The following SGCZ variants were observed in gnomAD, a reference collection of about 807,000 sequenced individuals.
SGCZ encodes sarcoglycan zeta, also known as zeta-sarcoglycan.
Under a neutral mutation model 41.3 loss-of-function variants are expected in SGCZ, and 40 were observed. The observed-to-expected ratio is 0.97, with a 90% CI of 0.75 to 1.26. The LOEUF is 1.26. Ranked by LOEUF, SGCZ falls within the 50% of genes most tolerant of loss-of-function variation. The pLI is 0.00. For missense variants in SGCZ, 552 were observed against 369.8 expected, an observed-to-expected ratio of 1.49 and a Z score of -4.04; for synonymous variants, 206 against 137.5, an observed-to-expected ratio of 1.50 and a Z score of -3.49.
At chr8:15,049,536 A>G (rs546190285) in intron 1 of SGCZ, among the ~76,000 whole-genome samples, 4 of 152,284 alleles carry the variant, frequency 2.6e-5, no homozygotes, top group Admixed American at 2.0e-4. Flanking sequence ...TGACTCTCCA[A>G]TATTGAATGA....
intron 5 of SGCZ, among the ~76,000 whole-genome samples, chr8:14,138,949 C>T (rs1348174430): frequency 6.6e-6 from 1 of 152,170 alleles, no homozygotes; most frequent in Non-Finnish European, 1.5e-5. Context: ...AAGTATAGCA[C>T]TCCTCAGCAA....
At chr8:14,957,498 A>G (rs1337010480) in intron 1 of SGCZ, among the ~76,000 whole-genome samples, 1 of 152,026 alleles carries the variant, frequency 6.6e-6, no homozygotes, top group Non-Finnish European at 1.5e-5. Flanking sequence ...TGCATATTTT[A>G]TATTTAATAT....
At chr8:14,090,878 C>T (rs530442250) in intron 7 of SGCZ, among the ~76,000 whole-genome samples, 1 of 152,114 alleles carries the variant, frequency 6.6e-6, no homozygotes, top group Admixed American at 6.6e-5. Flanking sequence ...TGAAAAGCAA[C>T]ATCATACAAT....
intron 1 of SGCZ, among the ~76,000 whole-genome samples, chr8:14,923,616 G>A (rs1799657073): frequency 6.6e-6 from 1 of 152,090 alleles, no homozygotes. Flanking sequence ...CATAAGGTAA[G>A]GGAATTCAAA....
intron 1 of SGCZ, among the ~76,000 whole-genome samples, chr8:14,687,624 T>C (rs1458108465): frequency 1.3e-5 from 2 of 151,870 alleles, no homozygotes; most frequent in African/African-American, 2.4e-5. Flanking sequence ...TTCCAAGTCT[T>C]TGCTATTGTG....
chr8:15,207,511 G>A (rs558971232), intron 1 of SGCZ, among the ~76,000 whole-genome samples: 1 of 152,058 alleles, frequency 6.6e-6, no homozygotes. Flanking sequence ...TAAAAGAGTC[G>A]GCAGAGAAGT....
At chr8:14,090,908 A>G (rs1801670132) in intron 7 of SGCZ, among the ~76,000 whole-genome samples, 1 of 152,054 alleles carries the variant, frequency 6.6e-6, no homozygotes, top group Admixed American at 6.6e-5. Flanking sequence ...GGGCCAACCC[A>G]GTTACTTAAA....
At chr8:14,763,324 G>T (rs915457598) in intron 1 of SGCZ, among the ~76,000 whole-genome samples, 3 of 152,004 alleles carry the variant, frequency 2.0e-5, no homozygotes, top group African/African-American at 7.3e-5. Context: ...TAATACGGTG[G>T]ACAAAGCCCA....
intron 4 of SGCZ, among the ~76,000 whole-genome samples, chr8:14,186,958 C>T (rs1469449588): frequency 6.6e-6 from 1 of 152,086 alleles, no homozygotes; most frequent in African/African-American, 2.4e-5. Context: ...CTGCATCAGT[C>T]CATGGAGCAA....
intron 6 of SGCZ, among the ~76,000 whole-genome samples, chr8:14,103,818 G>A (rs1203688457): frequency 6.6e-6 from 1 of 152,006 alleles, no homozygotes; most frequent in Non-Finnish European, 1.5e-5. Context: ...TAGAATATTT[G>A]AAAACTTGAA....
At chr8:14,995,584 T>C (rs913863719) in intron 1 of SGCZ, among the ~76,000 whole-genome samples, 1 of 152,192 alleles carries the variant, frequency 6.6e-6, no homozygotes, top group African/African-American at 2.4e-5. Context: ...TGCCTCTTTA[T>C]ATATTCATGT....
At chr8:15,098,026 G>T (rs1806453192) in intron 1 of SGCZ, among the ~76,000 whole-genome samples, 1 of 151,366 alleles carries the variant, frequency 6.6e-6, no homozygotes, top group South Asian at 2.1e-4. Context: ...CTAACCTTGG[G>T]AATTAAACTG....
At chr8:15,204,674 C>T (rs1035553781) in intron 1 of SGCZ, among the ~76,000 whole-genome samples, 1 of 152,152 alleles carries the variant, frequency 6.6e-6, no homozygotes, top group African/African-American at 2.4e-5. Flanking sequence ...AAGTCCTGCC[C>T]TCTGTATAAA....
intron 1 of SGCZ, among the ~76,000 whole-genome samples, chr8:14,890,984 T>G (rs2726607): frequency 0.7 from 105,939 of 152,040 alleles, 37,412 homozygotes; most frequent in East Asian, 0.83. Context: ...GTTTAAGCCC[T>G]CTATTGAGAC....
chr8:14,607,727 A>G (rs1369856659), intron 1 of SGCZ, among the ~76,000 whole-genome samples: 2 of 152,172 alleles, frequency 1.3e-5, no homozygotes, highest in African/African-American at 4.8e-5. Context: ...AGATAAATAT[A>G]AAGTTAAAAG....
chr8:15,014,349 T>A (rs1363258988), intron 1 of SGCZ, among the ~76,000 whole-genome samples: 1 of 152,228 alleles, frequency 6.6e-6, no homozygotes, highest in East Asian at 1.9e-4. Flanking sequence ...AGTGGTTTTA[T>A]GTGTGGCCAC....
intron 1 of SGCZ, among the ~76,000 whole-genome samples, chr8:14,659,971 T>C (rs1165883159): frequency 6.6e-6 from 1 of 151,956 alleles, no homozygotes; most frequent in Non-Finnish European, 1.5e-5. Flanking sequence ...AAGGCAGAGA[T>C]TAGGGAGAAT....
intron 1 of SGCZ, among the ~76,000 whole-genome samples, chr8:14,768,038 T>C (rs952077467): frequency 5.9e-5 from 9 of 152,196 alleles, no homozygotes; most frequent in African/African-American, 2.2e-4. Context: ...TGTTTTTAAA[T>C]TTTGTGTTTC....
At chr8:15,077,159 G>C (rs573894522) in intron 1 of SGCZ, among the ~76,000 whole-genome samples, 1 of 152,074 alleles carries the variant, frequency 6.6e-6, no homozygotes, top group South Asian at 2.1e-4. Context: ...AAGTTCACTC[G>C]ATATTTTGAA....
Sources: gnomAD v4.1 joint callset for allele counts (sites outside exome capture counted in the v4.1 genomes callset) on GRCh38, gnomAD v4.1.1 for gene constraint, MANE v1.5 for transcripts, NCBI Gene and HGNC (gene_info 2026-07-23, HGNC 2026-07-21) for gene names.